Variants in EYA4 observed in about 807,000 individuals in gnomAD.
The protein encoded by EYA4 is protein phosphatase EYA4.
EYA4 carries 31 observed loss-of-function variants against 87.9 expected under a neutral mutation model. The observed-to-expected ratio is 0.35, with a 90% CI of 0.27 to 0.48. EYA4 has a LOEUF of 0.48. Ranked by LOEUF, EYA4 falls within the 20% of genes least tolerant of loss-of-function variation. The probability of loss-of-function intolerance (pLI) is 0.99; values close to 1 mark genes in which losing one functional copy is unlikely to be tolerated. For synonymous variants in EYA4, 263 were observed against 270.6 expected (o/e 0.97, Z 0.28); for missense variants, 678 against 761.4 (o/e 0.89, Z 1.29).
chr6:133,286,267 A>ATT (rs1372731154), intron 2 of EYA4, among the ~76,000 whole-genome samples: 3 of 152,196 alleles, frequency 2.0e-5, no homozygotes, highest in Admixed American at 1.3e-4. Flanking sequence ...AAGCTAATTA[A>ATT]ACGCATGTGA....
At chr6:133,294,062 T>TATATATATATAAAAAA (rs71003632) in intron 2 of EYA4, among the ~76,000 whole-genome samples, 4 of 105,160 alleles carry the variant, frequency 3.8e-5, no homozygotes, top group South Asian at 3.3e-4. Context: ...TATATATATA[T>TATATATATATAAAAAA]AATTCTATTC....
intron 2 of EYA4, among the ~76,000 whole-genome samples, chr6:133,279,875 A>G (rs896621753): frequency 1.3e-5 from 2 of 152,126 alleles, no homozygotes; most frequent in Non-Finnish European, 2.9e-5. Context: ...AGAACCACCA[A>G]TTTATGACAG....
intron 2 of EYA4, among the ~76,000 whole-genome samples, chr6:133,333,380 A>G (rs946773725): frequency 3.9e-5 from 6 of 152,218 alleles, no homozygotes; most frequent in Non-Finnish European, 5.9e-5. Context: ...GAGACTAGAC[A>G]ACTCTGTGTT....
At chr6:133,276,901 C>CAAA (rs3065337) in intron 2 of EYA4, among the ~76,000 whole-genome samples, 1 of 133,690 alleles carries the variant, frequency 7.5e-6, no homozygotes. Context: ...ATAGAAATGT[C>CAAA]AAAAAAAAAA....
At chr6:133,281,493 G>A (rs911990928) in intron 2 of EYA4, among the ~76,000 whole-genome samples, 2 of 152,078 alleles carry the variant, frequency 1.3e-5, no homozygotes, top group Admixed American at 6.6e-5. Context: ...TAAGATAATG[G>A]CCTTCACAAA....
At chr6:133,281,758 T>G (rs1449606660) in intron 2 of EYA4, among the ~76,000 whole-genome samples, 1 of 152,188 alleles carries the variant, frequency 6.6e-6, no homozygotes, top group Non-Finnish European at 1.5e-5. Context: ...TGTTCAGCCC[T>G]TGTTCCTCTT....
intron 13 of EYA4, among the ~76,000 whole-genome samples, chr6:133,493,760 T>G (rs557538946): frequency 1.3e-5 from 2 of 152,228 alleles, no homozygotes; most frequent in South Asian, 4.1e-4. Flanking sequence ...TTTAATAATC[T>G]GAATAAAAAC....
At chr6:133,418,458 G>A (rs1360432607) in intron 3 of EYA4, among the ~76,000 whole-genome samples, 1 of 152,120 alleles carries the variant, frequency 6.6e-6, no homozygotes, top group Non-Finnish European at 1.5e-5. Context: ...TGAATGCATG[G>A]TTAATGAAAG....
intron 7 of EYA4, 38 bp downstream of exon 7, chr6:133,461,218 C>T: frequency 7.4e-7 from 1 of 1,356,352 alleles, no homozygotes; most frequent in Non-Finnish European, 1.1e-6. Context: ...AATTGGCAAA[C>T]ATTTATGTCT....
intron 2 of EYA4, among the ~76,000 whole-genome samples, chr6:133,354,909 T>G (rs1334238177): frequency 6.6e-6 from 1 of 152,200 alleles, no homozygotes; most frequent in Non-Finnish European, 1.5e-5. Flanking sequence ...TGAAAGTTTG[T>G]GGGAAATCTT....
At chr6:133,339,745 T>A (rs140708761) in intron 2 of EYA4, among the ~76,000 whole-genome samples, 1 of 152,290 alleles carries the variant, frequency 6.6e-6, no homozygotes, top group African/African-American at 2.4e-5. Context: ...AGAGGGACTA[T>A]TAAGAGTTCT....
chr6:133,393,131 G>T (rs1214002552), intron 3 of EYA4, among the ~76,000 whole-genome samples: 2 of 152,090 alleles, frequency 1.3e-5, no homozygotes, highest in Non-Finnish European at 2.9e-5. Flanking sequence ...TCCTTATTTT[G>T]CACTTAGAGC....
At chr6:133,332,135 A>G (rs1424926451) in intron 2 of EYA4, among the ~76,000 whole-genome samples, 1 of 152,178 alleles carries the variant, frequency 6.6e-6, no homozygotes, top group Non-Finnish European at 1.5e-5. Context: ...CATGTCGCCC[A>G]ATTCTTGTGG....
intron 3 of EYA4, among the ~76,000 whole-genome samples, chr6:133,432,000 A>G (rs1398264770): frequency 1.0e-4 from 15 of 148,476 alleles, no homozygotes; most frequent in African/African-American, 3.8e-4. Flanking sequence ...ACCATGGTGC[A>G]TTATTCCACC....
At chr6:133,288,811 T>A (rs548426813) in intron 2 of EYA4, among the ~76,000 whole-genome samples, 22 of 152,058 alleles carry the variant, frequency 1.4e-4, no homozygotes, top group Non-Finnish European at 2.8e-4. Flanking sequence ...TTCAGAGCCA[T>A]GGCCAAGCTA....
chr6:133,506,629 C>T (rs1485222804), intron 14 of EYA4, among the ~76,000 whole-genome samples: 2 of 152,154 alleles, frequency 1.3e-5, no homozygotes, highest in African/African-American at 2.4e-5. Context: ...TATCATTCCC[C>T]GTTTCTTTCC....
intron 3 of EYA4, among the ~76,000 whole-genome samples, chr6:133,407,231 G>A (rs1272313296): frequency 6.9e-6 from 1 of 145,304 alleles, no homozygotes; most frequent in Admixed American, 7.1e-5. Flanking sequence ...AACCTACACT[G>A]TGAAATAAAG....
chr6:133,486,675 GC>G (rs1796713962), intron 13 of EYA4, among the ~76,000 whole-genome samples: 1 of 152,210 alleles, frequency 6.6e-6, no homozygotes, highest in South Asian at 2.1e-4. Flanking sequence ...AGAGGAGCTA[GC>G]CCTACAAATT....
intron 2 of EYA4, among the ~76,000 whole-genome samples, chr6:133,352,780 C>A (rs1783735631): frequency 6.6e-6 from 1 of 152,040 alleles, no homozygotes; most frequent in Non-Finnish European, 1.5e-5. Context: ...ATGACAGAAA[C>A]ACAGTCAAAG....
Sources: allele counts gnomAD v4.1 joint callset (sites outside exome capture counted in the v4.1 genomes callset), GRCh38; gene constraint gnomAD v4.1.1; transcripts MANE v1.5; gene names NCBI Gene and HGNC (gene_info 2026-07-23, HGNC 2026-07-21).